TM4SF4: variants seen among roughly 807,000 people sequenced by gnomAD.
The protein encoded by TM4SF4 is transmembrane 4 L six family member 4, also known as transmembrane 4 L6 family member 4.
A neutral mutation model predicts 24.1 loss-of-function variants in TM4SF4; 24 were observed. The observed-to-expected ratio is 1.00, with a 90% confidence interval of 0.72 to 1.40. The LOEUF (loss-of-function observed/expected upper bound fraction) is 1.40, where lower values mean the gene tolerates loss of function less well. TM4SF4 is among the 40% of genes most tolerant of loss of function. The pLI is 0.00. For missense variants in TM4SF4, 254 were observed against 254.2 expected, an observed-to-expected ratio of 1.00 and a Z score of 0.01; for synonymous variants, 113 against 97.0, an observed-to-expected ratio of 1.17 and a Z score of -0.97.
chr3:149,476,794 TTTTTTTTGTTTTTGTTTTTG>T (rs869226619), intron 2 of TM4SF4, among the ~76,000 whole-genome samples: 27,550 of 125,210 alleles, frequency 0.22, 2,783 homozygotes, highest in Non-Finnish European at 0.28. Flanking sequence ...TCTTTTCTGT[TTTTTTTTGTTTTTGTTTTTG>T]TTTTTTTTTT....
chr3:149,497,163 A>G (rs1284117840), intron 3 of TM4SF4, among the ~76,000 whole-genome samples: 2 of 152,236 alleles, frequency 1.3e-5, no homozygotes, highest in African/African-American at 4.8e-5. Flanking sequence ...GCTTAGATTA[A>G]GTAAAATAAT....
At position 149,476,819 on chromosome 3, in the gene TM4SF4, T is replaced by G. The variant is rs563312509; in HGVS notation, c.264+907T>G. Among the ~76,000 whole-genome samples, 146 of 120,882 alleles carry G rather than the reference T, an allele frequency of 1.2e-3. 1 individual carries two copies. Among genetic ancestry groups the G allele is most frequent in the Non-Finnish European group, 1.3e-3 (73 of 54,952 alleles). The allele number at this position is 120,882 out of a possible 152,430, so 79.3% of individuals were successfully genotyped here. A position where few individuals can be genotyped will look rare whatever the true frequency, so the allele number is the denominator to read the frequency against. ...TTTTTTTTGTTTTTGTTTTTGTTTT[T>G]TTTTTTTTTTTTGAGACAGGGTCTC... On this transcript the variant is annotated intron_variant, in intron 2 of 4. Coordinates refer to ENST00000305354, the MANE Select transcript of TM4SF4 (RefSeq NM_004617.4).
rs1435394815 is a variant in TM4SF4, at chr3:149,498,921, G to A, written c.591+10G>A. The A allele has an allele frequency of 6.2e-7, 1 of 1,613,398 alleles. No individual in the cohort carries two copies. The highest frequency in any genetic ancestry group is 8.5e-7 in the Non-Finnish European group (1 of 1,179,524). The stretch of plus-strand genomic sequence containing the variant: ...TTGTGGCTGCTGTGGGGTAAGTTCA[G>A]GCTTTTGCTGTTTCTTCTCAGCATG... On this transcript the variant is annotated intron_variant, in intron 4 of 4. Coordinates refer to ENST00000305354, the MANE Select transcript of TM4SF4 (RefSeq NM_004617.4).
In TM4SF4 at chr3:149,502,787, T is replaced by A; in HGVS notation, c.*94T>A. On this transcript the variant is annotated 3_prime_UTR_variant, in exon 5 of 5. Coordinates refer to ENST00000305354, the MANE Select transcript of TM4SF4 (RefSeq NM_004617.4). ...CTTCTTGGAATTATTAATTCCTATC[T>A]GCTTCCTAGCTGATAAAGCTTAGAA... 4.4e-6 allele frequency: 4 copies of A among 915,954 alleles called. No homozygotes were observed. Among genetic ancestry groups the A allele is most frequent in the Non-Finnish European group, 5.3e-6 (3 of 563,370 alleles). The allele number at this position is 915,954 out of a possible 1,614,324, so 56.7% of individuals were successfully genotyped here. A position where few individuals can be genotyped will look rare whatever the true frequency, so the allele number is the denominator to read the frequency against.
intron 3 of TM4SF4, among the ~76,000 whole-genome samples, chr3:149,491,377 G>T (rs1475091310): frequency 6.6e-6 from 1 of 151,882 alleles, no homozygotes; most frequent in Non-Finnish European, 1.5e-5. Context: ...GATGTGGGAG[G>T]ATCGTTTGGG....
Position 149,498,794 on chromosome 3 carries a change from C to G in TM4SF4, c.474C>G (p.Thr158=), listed in dbSNP as rs767082831. The change falls in exon 4 of 5, where the codon ACC becomes ACG. Residue 158 remains threonine (T), a synonymous_variant. Transcript: ENST00000305354. ...EPLNVVPWNL[T]LFSILLVVGG... is the part of the protein sequence containing the mutation. ...TCAATGTGGTTCCCTGGAATCTGAC[C>G]CTCTTCTCCATCCTGCTGGTCGTAG... is the stretch of plus-strand genomic sequence containing the variant. The G allele has an allele frequency of 3.1e-6, 5 of 1,613,834 alleles. No homozygotes were observed. In the Admixed American group the frequency reaches 6.7e-5, roughly 22 times the overall value.
chr3:149,481,517 C>T (rs1038145909), intron 2 of TM4SF4, among the ~76,000 whole-genome samples: 41 of 152,150 alleles, frequency 2.7e-4, no homozygotes, highest in African/African-American at 8.7e-4. Context: ...CTTCCCAAGC[C>T]TAGCACAGGC....
Position 149,474,919 on chromosome 3 carries a change from C to T in TM4SF4, c.42C>T (p.Leu14=). 6.2e-7 allele frequency: 1 copy of T among 1,613,990 alleles called. No homozygotes were observed. The highest frequency in any genetic ancestry group is 8.5e-7 in the Non-Finnish European group (1 of 1,179,892). ...GTGCCAGATGCCTGGGGGGGACCCT[C>T]ATTCCCCTTGCTTTTTTTGGCTTCC... ...GGCARCLGGT[L]IPLAFFGFLA... The change falls in exon 1 of 5, where the codon CTC becomes CTT. Residue 14 remains leucine (L), a synonymous_variant. Transcript: ENST00000305354.
At chr3:149,488,329 T>A (rs1368769943) in intron 3 of TM4SF4, among the ~76,000 whole-genome samples, 1 of 152,198 alleles carries the variant, frequency 6.6e-6, no homozygotes, top group Non-Finnish European at 1.5e-5. Flanking sequence ...ATCCCACAAA[T>A]TTATAATTTA....
chr3:149,497,978 A>G (rs912577648), intron 3 of TM4SF4, among the ~76,000 whole-genome samples: 10 of 152,210 alleles, frequency 6.6e-5, no homozygotes, highest in African/African-American at 2.2e-4. Context: ...AACTCTTTAT[A>G]TAATAAAATA....
At position 149,475,882 on chromosome 3, in the gene TM4SF4, C is replaced by G; in HGVS notation, c.234C>G (p.Cys78Trp). 1.2e-6 allele frequency: 2 copies of G among 1,612,976 alleles called. No homozygotes were observed. Among genetic ancestry groups the G allele is most frequent in the Non-Finnish European group, 1.7e-6 (2 of 1,179,554 alleles). The change falls in exon 2 of 5, where the codon TGC becomes TGG. Residue 78 changes from cysteine to tryptophan, a missense_variant. Transcript: ENST00000305354. ...GLKNNDCCGC[C>W]GNEGCGKRFA... ...AGAACAATGACTGCTGTGGGTGCTG[C>G]GGCAACGAGGGCTGTGGGAAGCGAT...
intron 1 of TM4SF4, 65 bp downstream of exon 1, chr3:149,475,116 C>T (rs1051962573): frequency 6.6e-7 from 1 of 1,509,134 alleles, no homozygotes; most frequent in African/African-American, 1.4e-5. Flanking sequence ...CTTTTTAAAT[C>T]AGGTACTTAT....
chr3:149,482,053 T>A (rs549482229), intron 2 of TM4SF4, among the ~76,000 whole-genome samples: 1 of 152,340 alleles, frequency 6.6e-6, no homozygotes, highest in African/African-American at 2.4e-5. Flanking sequence ...CTAGGTGTCC[T>A]ATCAGTGAGG....
Position 149,498,795 on chromosome 3 carries a change from C to T in TM4SF4, c.475C>T (p.Leu159Phe), listed in dbSNP as rs371896905. 2.0e-5 allele frequency: 33 copies of T among 1,614,022 alleles called. No individual in the cohort carries two copies. In the African/African-American group the frequency reaches 3.2e-4, roughly 16 times the overall value. ...PLNVVPWNLT[L>F]FSILLVVGGI... ...CAATGTGGTTCCCTGGAATCTGACCCTCTTCTCCATCCTGCTGGTCGTAGG... is the reference window on the plus strand; with the variant it reads ...CAATGTGGTTCCCTGGAATCTGACCTTCTTCTCCATCCTGCTGGTCGTAGG... Residue 159 changes from leucine to phenylalanine, a missense_variant, in exon 4 of 5, where the codon CTC becomes TTC. Physicochemically the swap from Leu to Phe is conservative, Grantham distance 22. Transcript: ENST00000305354.
At chr3:149,485,825 T>A (rs1179304901) in intron 2 of TM4SF4, among the ~76,000 whole-genome samples, 1 of 137,716 alleles carries the variant, frequency 7.3e-6, no homozygotes, top group Non-Finnish European at 1.7e-5. Context: ...CAAAAAAACC[T>A]ATGCATTATT....
At chr3:149,484,123 A>G (rs1734078812) in intron 2 of TM4SF4, among the ~76,000 whole-genome samples, 1 of 152,114 alleles carries the variant, frequency 6.6e-6, no homozygotes, top group Admixed American at 6.5e-5. Flanking sequence ...TCTTTTAATC[A>G]ATGTCTTTGC....
chr3:149,491,789 T>G (rs1170577962), intron 3 of TM4SF4, among the ~76,000 whole-genome samples: 2 of 152,246 alleles, frequency 1.3e-5, no homozygotes, highest in African/African-American at 2.4e-5. Flanking sequence ...GGGCTGATTT[T>G]GGAGGATGAG....
At chr3:149,487,234 G>A (rs1392418057) in intron 2 of TM4SF4, among the ~76,000 whole-genome samples, 3 of 152,090 alleles carry the variant, frequency 2.0e-5, no homozygotes, top group Non-Finnish European at 2.9e-5. Flanking sequence ...CAGACTGAGC[G>A]ACAAGGGTGA....
At position 149,502,797 on chromosome 3, in the gene TM4SF4, C is replaced by A. The variant is rs1277253683; in HGVS notation, c.*104C>A. The A allele has an allele frequency of 2.4e-6, 2 of 844,452 alleles. No individual in the cohort carries two copies. The highest frequency in any genetic ancestry group is 1.6e-5 in the South Asian group (1 of 61,480). 52.3% of individuals were successfully genotyped at this position (844,452 alleles called of 1,614,324 possible). A position where few individuals can be genotyped will look rare whatever the true frequency, so the allele number is the denominator to read the frequency against. On this transcript the variant is annotated 3_prime_UTR_variant, in exon 5 of 5. Transcript: ENST00000305354. The stretch of plus-strand genomic sequence containing the variant: ...TTATTAATTCCTATCTGCTTCCTAG[C>A]TGATAAAGCTTAGAAAAGGCAGTTA...
Sources: allele counts gnomAD v4.1 joint callset (sites outside exome capture counted in the v4.1 genomes callset), GRCh38; gene constraint gnomAD v4.1.1; transcripts MANE v1.5; gene names NCBI Gene and HGNC (gene_info 2026-07-23, HGNC 2026-07-21).